TAB1: variants seen among roughly 807,000 people sequenced by gnomAD.
TAB1 encodes TGF-beta activated kinase 1 (MAP3K7) binding protein 1.
A neutral mutation model predicts 54.5 loss-of-function variants in TAB1; 30 were observed. The observed-to-expected ratio is 0.55, with a 90% CI of 0.41 to 0.75. The LOEUF (loss-of-function observed/expected upper bound fraction) is 0.75, where lower values mean the gene tolerates loss of function less well. Ranked by LOEUF, TAB1 falls within the 30% of genes least tolerant of loss-of-function variation. TAB1 has a pLI of 0.00. For synonymous variants in TAB1, 289 were observed against 286.9 expected (o/e 1.01, Z -0.07); for missense variants, 609 against 683.2 (o/e 0.89, Z 1.21).
chr22:39,417,891 G>A, intron 5 of TAB1, 42 bp downstream of exon 5: 2 of 1,563,640 alleles, frequency 1.3e-6, no homozygotes, highest in Non-Finnish European at 1.7e-6. Context: ...ACTGGGGAGA[G>A]GTCAGCCACA....
chr22:39,426,636 G>T (rs1927350723), intron 8 of TAB1, 67 bp from the exon 9 acceptor site: 7 of 1,417,672 alleles, frequency 4.9e-6, no homozygotes, highest in East Asian at 2.4e-5. Flanking sequence ...TAGGCTCCAA[G>T]ATTATGGCCC....
chr22:39,432,906 G>A (rs1235054666), downstream of TAB1: 1 of 985,424 alleles, frequency 1.0e-6, no homozygotes, highest in African/African-American at 1.7e-5. Flanking sequence ...GGAAGCTCGG[G>A]AATGGGTTTG....
At chr22:39,409,550 T>C (rs1926519671) in intron 1 of TAB1, among the ~76,000 whole-genome samples, 1 of 152,234 alleles carries the variant, frequency 6.6e-6, no homozygotes, top group Admixed American at 6.5e-5. Flanking sequence ...ACCAGCCTTC[T>C]CGTGCTTCCG....
downstream of TAB1, chr22:39,436,505 T>G (rs1927790484): frequency 6.2e-7 from 1 of 1,614,036 alleles, no homozygotes; most frequent in South Asian, 1.1e-5. Flanking sequence ...CTTCCAGGCC[T>G]GCAAGCGATT....
Position 39,431,291 on chromosome 22 carries a change from AG to A in TAB1, c.*1074del. The A allele has an allele frequency of 1.0e-6, 1 of 985,478 alleles. No homozygotes were observed. The highest frequency in any genetic ancestry group is 1.2e-6 in the Non-Finnish European group (1 of 830,066). 61.0% of individuals were successfully genotyped at this position (985,478 alleles called of 1,614,324 possible). ...CACATGTTCTCTGCCTTCAGTGGGG[AG>A]GGGGTGCCACCAGGGCTGTCGGCCA... On this transcript the variant is annotated 3_prime_UTR_variant, in exon 11 of 11. Transcript: ENST00000216160.
downstream of TAB1, chr22:39,433,557 G>A (rs2145688892): frequency 1.0e-6 from 1 of 985,454 alleles, no homozygotes; most frequent in East Asian, 1.1e-4. Flanking sequence ...ACGGGGGCAG[G>A]TGGTCTGAGG....
intron 1 of TAB1, among the ~76,000 whole-genome samples, chr22:39,406,504 G>T (rs1339641679): frequency 6.6e-6 from 1 of 152,124 alleles, no homozygotes; most frequent in East Asian, 1.9e-4. Context: ...GCCCTAGTTG[G>T]ATTTGAGCAG....
At chr22:39,435,827 C>T (rs1020067439), downstream of TAB1, among the ~76,000 whole-genome samples, 2 of 152,128 alleles carry the variant, frequency 1.3e-5, no homozygotes, top group African/African-American at 4.8e-5. Context: ...GGGCTGACAG[C>T]CTCCCATCTT....
chr22:39,412,838 T>C (rs112082774), intron 1 of TAB1, among the ~76,000 whole-genome samples: 254 of 152,088 alleles, frequency 1.7e-3, no homozygotes, highest in African/African-American at 5.9e-3. Flanking sequence ...GATGATTCAC[T>C]GTTGGCATAT....
chr22:39,408,633 G>A (rs915615743), intron 1 of TAB1, among the ~76,000 whole-genome samples: 2 of 152,152 alleles, frequency 1.3e-5, no homozygotes, highest in African/African-American at 2.4e-5. Flanking sequence ...CTTCCGAGTA[G>A]CTGAGACTAC....
At chr22:39,406,397 CAAAA>C (rs11290078) in intron 1 of TAB1, among the ~76,000 whole-genome samples, 10 of 73,764 alleles carry the variant, frequency 1.4e-4, no homozygotes, top group Admixed American at 3.0e-4. Context: ...AGACTGTCAC[CAAAA>C]AAAAAAAAAA....
At chr22:39,435,475 C>T (rs936606963), downstream of TAB1, among the ~76,000 whole-genome samples, 8 of 152,176 alleles carry the variant, frequency 5.3e-5, no homozygotes, top group African/African-American at 9.7e-5. Flanking sequence ...TGAAGGGCAG[C>T]GATTTGTGTC....
At chr22:39,429,952 A>G in intron 10 of TAB1, 63 bp from the exon 11 acceptor site, 1 of 1,596,746 alleles carries the variant, frequency 6.3e-7, no homozygotes, top group South Asian at 1.1e-5. Flanking sequence ...TTCTGTCCCC[A>G]CTCTGCCCCA....
chr22:39,416,787 C>G lies in TAB1; in HGVS notation c.325-4C>G. On this transcript the variant is annotated splice_region_variant and splice_polypyrimidine_tract_variant and intron_variant, in intron 3 of 10. Coordinates refer to ENST00000216160, the MANE Select transcript of TAB1 (RefSeq NM_006116.3). ...AGCCTTTGCCCTGTCCTGTGTCCCC[C>G]TAGGCCTTCGATGTGGTGGAGAGGA... 1.9e-6 allele frequency: 3 copies of G among 1,614,150 alleles called. No homozygotes were observed. Among genetic ancestry groups the G allele is most frequent in the Non-Finnish European group, 2.5e-6 (3 of 1,179,970 alleles).
chr22:39,413,801 G>T (rs1270332672), intron 1 of TAB1, among the ~76,000 whole-genome samples: 2 of 152,194 alleles, frequency 1.3e-5, no homozygotes, highest in Non-Finnish European at 2.9e-5. Context: ...CTGCATGGTG[G>T]TTCTGGGAGT....
chr22:39,401,075 G>A (rs997163255), intron 1 of TAB1, among the ~76,000 whole-genome samples: 47 of 151,256 alleles, frequency 3.1e-4, no homozygotes, highest in African/African-American at 1.1e-3. Context: ...AACTCCTTGA[G>A]GACAGGGACC....
downstream of TAB1, among the ~76,000 whole-genome samples, chr22:39,432,047 C>A (rs905183417): frequency 2.6e-5 from 4 of 152,262 alleles, no homozygotes; most frequent in African/African-American, 7.2e-5. Flanking sequence ...CTGCCGCCCC[C>A]ACAGCCCCGG....
At chr22:39,429,814 C>T in intron 10 of TAB1, 1 of 985,336 alleles carries the variant, frequency 1.0e-6, no homozygotes, top group African/African-American at 1.7e-5. Context: ...ATTTAAGTAG[C>T]CACATGCATC....
In TAB1 at chr22:39,430,589, G is replaced by C; in HGVS notation, c.*367G>C. On this transcript the variant is annotated 3_prime_UTR_variant, in exon 11 of 11. Coordinates refer to ENST00000216160, the MANE Select transcript of TAB1 (RefSeq NM_006116.3). ...GCCCTGTGAACCCTGAGTGTTGCAGGCCCAGCAGACCCTGCTGTCCCAAGC... is the reference window on the plus strand; with the variant it reads ...GCCCTGTGAACCCTGAGTGTTGCAGCCCCAGCAGACCCTGCTGTCCCAAGC... The C allele has an allele frequency of 8.8e-7, 1 of 1,141,382 alleles. No individual in the cohort carries two copies. Among genetic ancestry groups the C allele is most frequent in the Non-Finnish European group, 1.1e-6 (1 of 918,606 alleles). The allele number at this position is 1,141,382 out of a possible 1,614,324, so 70.7% of individuals were successfully genotyped here.
Sources: allele counts gnomAD v4.1 joint callset (sites outside exome capture counted in the v4.1 genomes callset), GRCh38; gene constraint gnomAD v4.1.1; transcripts MANE v1.5; gene names NCBI Gene and HGNC (gene_info 2026-07-23, HGNC 2026-07-21).